The following ZBTB20 variants were observed in gnomAD, a reference collection of about 807,000 sequenced individuals.
The protein encoded by ZBTB20 is zinc finger and BTB domain containing 20, also known as zinc finger and BTB domain-containing protein 20.
ZBTB20 carries 9 observed loss-of-function variants against 56.9 expected under a neutral mutation model. The observed-to-expected ratio is 0.16, with a 90% confidence interval of 0.10 to 0.28. The LOEUF (loss-of-function observed/expected upper bound fraction) is 0.28. Ranked by LOEUF, ZBTB20 falls within the 10% of genes least tolerant of loss-of-function variation. ZBTB20 has a pLI of 1.00. For synonymous variants in ZBTB20, 417 were observed against 420.7 expected (o/e 0.99, Z 0.11); for missense variants, 655 against 1,003.0 (o/e 0.65, Z 4.69).
chr3:114,636,543 T>C lies in ZBTB20; in HGVS notation c.-295+56985A>G, dbSNP rs545104308. On this transcript the variant is annotated intron_variant, in intron 6 of 11. Transcript: ENST00000675478. ...ACACCAATAACATGAAGTGTGTATA[T>C]AGGAGAAGTAAAAGAGTAGAGATTT... Among the ~76,000 whole-genome samples, 17 of 152,120 alleles carry C rather than the reference T, an allele frequency of 1.1e-4. No homozygotes were observed. In the East Asian group the frequency reaches 2.9e-3, roughly 26 times the overall value.
intron 6 of ZBTB20, among the ~76,000 whole-genome samples, chr3:114,669,709 AT>A (rs2061258753): frequency 6.6e-6 from 1 of 151,700 alleles, no homozygotes. Context: ...TGTGCATAGT[AT>A]TTTCCATATG....
Position 114,351,598 on chromosome 3 carries a change from G to A in ZBTB20, c.480C>T (p.Ser160=), listed in dbSNP as rs2080681614. Residue 160 remains serine, a synonymous_variant, in exon 11 of 12, where the codon AGC becomes AGT. Transcript: ENST00000675478. Reference sequence around the variant, plus strand: ...CCGACTGCGAGACCCGTAGCACGCCGCTGTACATGAAGTCAATGAGCTTTT... The same window carrying A: ...CCGACTGCGAGACCCGTAGCACGCCACTGTACATGAAGTCAATGAGCTTTT... The part of the protein sequence containing the change: ...SVQKLIDFMY[S]GVLRVSQSEA... 1 of 1,614,116 alleles carries A rather than the reference G, an allele frequency of 6.2e-7. No homozygotes were observed. Among genetic ancestry groups the A allele is most frequent in the South Asian group, 1.1e-5 (1 of 91,082 alleles).
chr3:114,880,809 A>C (rs1209924877), intron 4 of ZBTB20, among the ~76,000 whole-genome samples: 3 of 152,180 alleles, frequency 2.0e-5, no homozygotes, highest in Non-Finnish European at 4.4e-5. Flanking sequence ...CTAGTTGAAA[A>C]ATCAGAATCA....
intron 4 of ZBTB20, among the ~76,000 whole-genome samples, chr3:114,868,170 C>T (rs2075845433): frequency 6.6e-6 from 1 of 152,104 alleles, no homozygotes; most frequent in Admixed American, 6.5e-5. Context: ...GCAATTTGTC[C>T]AATTCCAATG....
At chr3:114,980,853 C>A (rs2108085914) in intron 2 of ZBTB20, among the ~76,000 whole-genome samples, 1 of 151,886 alleles carries the variant, frequency 6.6e-6, no homozygotes, top group South Asian at 2.1e-4. Context: ...CCATTGATTA[C>A]CTGAAATGTT....
intron 5 of ZBTB20, among the ~76,000 whole-genome samples, chr3:114,748,947 A>G (rs1051780194): frequency 6.6e-6 from 1 of 152,222 alleles, no homozygotes. Flanking sequence ...TTCTTCAGAA[A>G]ACTTGGTGGG....
intron 10 of ZBTB20, among the ~76,000 whole-genome samples, chr3:114,363,808 A>G (rs992878321): frequency 1.3e-5 from 2 of 152,244 alleles, no homozygotes; most frequent in Admixed American, 1.3e-4. Flanking sequence ...TGCTGCTCTC[A>G]GACACTGAGT....
chr3:114,652,276 C>G (rs527856935), intron 6 of ZBTB20, among the ~76,000 whole-genome samples: 79 of 152,108 alleles, frequency 5.2e-4, no homozygotes, highest in Middle Eastern at 6.8e-3. Context: ...CTTATGTATA[C>G]TCTTGTGTCC....
intron 2 of ZBTB20, among the ~76,000 whole-genome samples, chr3:115,070,344 TCA>T (rs1419583563): frequency 6.6e-6 from 1 of 152,148 alleles, no homozygotes; most frequent in African/African-American, 2.4e-5. Context: ...TCATATTTTA[TCA>T]GTTTGCATAA....
intron 6 of ZBTB20, among the ~76,000 whole-genome samples, chr3:114,598,049 GA>G (rs935414013): frequency 4.0e-4 from 61 of 152,170 alleles, no homozygotes; most frequent in African/African-American, 1.4e-3. Flanking sequence ...AAACTCTCAA[GA>G]AGGAAGCCAA....
At chr3:114,923,546 T>C (rs1384659467) in intron 3 of ZBTB20, among the ~76,000 whole-genome samples, 1 of 152,190 alleles carries the variant, frequency 6.6e-6, no homozygotes, top group Non-Finnish European at 1.5e-5. Context: ...TGGATCCTTG[T>C]CTTGCACTGT....
intron 3 of ZBTB20, among the ~76,000 whole-genome samples, chr3:114,925,855 A>G (rs531110478): frequency 3.9e-5 from 6 of 152,296 alleles, no homozygotes; most frequent in Non-Finnish European, 5.9e-5. Flanking sequence ...GACATCGTCA[A>G]TGTTAATTGT....
chr3:114,546,222 C>T (rs1018557852), intron 6 of ZBTB20, among the ~76,000 whole-genome samples: 9 of 152,088 alleles, frequency 5.9e-5, no homozygotes, highest in Admixed American at 5.9e-4. Context: ...GCTTTGTTGC[C>T]CATTTACATC....
At chr3:115,069,847 A>G (rs1423064945) in intron 2 of ZBTB20, among the ~76,000 whole-genome samples, 2 of 151,488 alleles carry the variant, frequency 1.3e-5, no homozygotes, top group African/African-American at 2.4e-5. Context: ...TTTAATCCTC[A>G]TATACAAAAA....
intron 2 of ZBTB20, among the ~76,000 whole-genome samples, chr3:114,989,887 G>A (rs1012638372): frequency 6.6e-6 from 1 of 152,150 alleles, no homozygotes; most frequent in Non-Finnish European, 1.5e-5. Context: ...GTTCACTCAT[G>A]ATCTGGCTTT....
chr3:114,681,322 G>A (rs1016555949), intron 6 of ZBTB20, among the ~76,000 whole-genome samples: 5 of 151,700 alleles, frequency 3.3e-5, no homozygotes, highest in South Asian at 2.1e-4. Context: ...CACCACGCCC[G>A]GTTAATTTTT....
At chr3:114,685,555 A>G (rs2062279516) in intron 6 of ZBTB20, among the ~76,000 whole-genome samples, 1 of 152,190 alleles carries the variant, frequency 6.6e-6, no homozygotes, top group Admixed American at 6.5e-5. Context: ...TAAAATACAA[A>G]CATACACAAT....
At chr3:114,852,478 G>T (rs999209180) in intron 4 of ZBTB20, among the ~76,000 whole-genome samples, 4 of 151,864 alleles carry the variant, frequency 2.6e-5, no homozygotes, top group African/African-American at 9.7e-5. Flanking sequence ...TGGCCAGGCT[G>T]GTCTCAAACT....
chr3:114,673,699 T>G (rs562947628), intron 6 of ZBTB20, among the ~76,000 whole-genome samples: 1 of 152,198 alleles, frequency 6.6e-6, no homozygotes, highest in Non-Finnish European at 1.5e-5. Context: ...CTCAGCCACA[T>G]GTCCTGAGGT....
Sources: allele counts gnomAD v4.1 joint callset (sites outside exome capture counted in the v4.1 genomes callset), GRCh38; gene constraint gnomAD v4.1.1; transcripts MANE v1.5; gene names NCBI Gene and HGNC (gene_info 2026-07-23, HGNC 2026-07-21).